The following ACTL8 variants were observed in gnomAD, a reference collection of about 807,000 sequenced individuals.
ACTL8 encodes the protein actin like 8, also known as actin-like protein 8.
A neutral mutation model predicts 9.3 loss-of-function variants in ACTL8; 3 were observed. The observed-to-expected ratio is 0.32, with a 90% CI of 0.15 to 0.83. The LOEUF (loss-of-function observed/expected upper bound fraction) is 0.83. Among genes scored for constraint, ACTL8 ranks in the 40% least tolerant of loss-of-function variants. The probability of loss-of-function intolerance (pLI) is 0.57; values close to 1 mark genes in which losing one functional copy is unlikely to be tolerated. For synonymous variants in ACTL8, 224 were observed against 205.9 expected (o/e 1.09, Z -0.75); for missense variants, 381 against 492.2 (o/e 0.77, Z 2.14).
At chr1:17,792,400 C>A (rs926209252) in intron 1 of ACTL8, among the ~76,000 whole-genome samples, 3 of 152,168 alleles carry the variant, frequency 2.0e-5, no homozygotes, top group South Asian at 2.1e-4. Flanking sequence ...CATTGTGTAA[C>A]CCTGTGGTTT....
chr1:17,767,936 C>G lies in ACTL8; in HGVS notation c.-25+12432C>G, dbSNP rs2066057063. On this transcript the variant is annotated intron_variant, in intron 1 of 2. Coordinates refer to ENST00000375406, the MANE Select transcript of ACTL8 (RefSeq NM_030812.3). This position sits in a 1 kb window ranked among gnomAD's most constrained non-coding sequence, Gnocchi z 4.7. Reference sequence around the variant, plus strand: ...GCAGAATGGGTGCTCGTGAATCCCTCTGGTGGGACTGGGTGTCTGTGGGTT... The same window carrying G: ...GCAGAATGGGTGCTCGTGAATCCCTGTGGTGGGACTGGGTGTCTGTGGGTT... 6.6e-6 allele frequency among the ~76,000 whole-genome samples: 1 copy of G among 152,014 alleles called. No homozygotes were observed. Among genetic ancestry groups the G allele is most frequent in the African/African-American group, 2.4e-5 (1 of 41,370 alleles).
At chr1:17,756,897 G>A (rs1387079229) in intron 1 of ACTL8, among the ~76,000 whole-genome samples, 2 of 152,198 alleles carry the variant, frequency 1.3e-5, no homozygotes, top group Non-Finnish European at 2.9e-5. Context: ...TGTGAGAACT[G>A]TGGGGTGGGA....
intron 1 of ACTL8, among the ~76,000 whole-genome samples, chr1:17,795,785 T>C (rs1238151672): frequency 6.6e-6 from 1 of 152,188 alleles, no homozygotes; most frequent in African/African-American, 2.4e-5. Context: ...AATCTTGTTG[T>C]GATCACCTTC....
intron 1 of ACTL8, among the ~76,000 whole-genome samples, chr1:17,808,643 C>G (rs1448139250): frequency 6.6e-6 from 1 of 152,080 alleles, no homozygotes; most frequent in East Asian, 1.9e-4. Context: ...AGTATCATAC[C>G]CAGTGCCTGG....
chr1:17,758,189 G>A (rs1282553515), intron 1 of ACTL8, among the ~76,000 whole-genome samples: 3 of 152,192 alleles, frequency 2.0e-5, no homozygotes, highest in Non-Finnish European at 4.4e-5. Flanking sequence ...GTGGGGATAA[G>A]GGGGTCCTGG....
rs1248121741 is a variant in ACTL8, at chr1:17,757,476, AC to A, written c.-25+1980del. 6.5e-3 allele frequency among the ~76,000 whole-genome samples: 292 copies of A among 45,036 alleles called. 2 individuals are homozygous for A. The South Asian group carries it at 0.07, about 11-fold the overall frequency. 29.5% of individuals were successfully genotyped at this position (45,036 alleles called of 152,430 possible). ...CTAAACTGCAAGTCACTCTGAGCCCACCCCCCCCACCCCCACCCCAACTTAT... is the reference window on the plus strand; with the variant it reads ...CTAAACTGCAAGTCACTCTGAGCCCACCCCCCCACCCCCACCCCAACTTAT... On this transcript the variant is annotated intron_variant, in intron 1 of 2. Transcript: ENST00000375406.
At chr1:17,787,037 T>C (rs981693372) in intron 1 of ACTL8, among the ~76,000 whole-genome samples, 1 of 152,106 alleles carries the variant, frequency 6.6e-6, no homozygotes, top group Non-Finnish European at 1.5e-5. Flanking sequence ...ATGTTACATT[T>C]ATAAAGTTCA....
At chr1:17,766,927 C>G (rs1165550802) in intron 1 of ACTL8, among the ~76,000 whole-genome samples, 2 of 152,160 alleles carry the variant, frequency 1.3e-5, no homozygotes, top group East Asian at 3.9e-4. Context: ...GCTGAGGATT[C>G]AGTCCTGGGC....
intron 1 of ACTL8, among the ~76,000 whole-genome samples, chr1:17,757,937 ATG>A (rs1308483851): frequency 3.5e-4 from 54 of 152,284 alleles, no homozygotes; most frequent in Non-Finnish European, 7.4e-5. Flanking sequence ...TGATGTCATG[ATG>A]TGGAAGAGGG....
At chr1:17,815,363 G>A (rs906491895) in intron 1 of ACTL8, among the ~76,000 whole-genome samples, 1 of 151,974 alleles carries the variant, frequency 6.6e-6, no homozygotes, top group African/African-American at 2.4e-5. Flanking sequence ...AATTTTCTTA[G>A]TTTTCCTTCA....
At chr1:17,808,550 C>T (rs1473166372) in intron 1 of ACTL8, among the ~76,000 whole-genome samples, 3 of 152,194 alleles carry the variant, frequency 2.0e-5, no homozygotes, top group Non-Finnish European at 4.4e-5. Context: ...AAGCCTCATT[C>T]CTTCATCTAT....
Position 17,823,171 on chromosome 1 carries a change from A to T in ACTL8, c.163A>T (p.Ile55Phe). 2 of 1,614,204 alleles carry T rather than the reference A, an allele frequency of 1.2e-6. No individual in the cohort carries two copies. The highest frequency in any genetic ancestry group is 1.1e-5 in the South Asian group (1 of 91,086). ...TGCCCGTAGGCGTGTGAGCCTGGGCATCGACATTTGCCATCCTGACACCTT... is the reference window on the plus strand; with the variant it reads ...TGCCCGTAGGCGTGTGAGCCTGGGCTTCGACATTTGCCATCCTGACACCTT... Reference protein sequence around the residue: ...SYARRRVSLGIDICHPDTFSY... With the variant: ...SYARRRVSLGFDICHPDTFSY... The change falls in exon 2 of 3, where the codon ATC becomes TTC. Residue 55 changes from isoleucine (I) to phenylalanine (F), a missense_variant. Physicochemically the swap from Ile to Phe is conservative, Grantham distance 21. Coordinates refer to ENST00000375406, the MANE Select transcript of ACTL8 (RefSeq NM_030812.3). This position sits in a 1 kb window ranked among gnomAD's most constrained non-coding sequence, Gnocchi z 5.3.
At chr1:17,812,158 C>G (rs2066397308) in intron 1 of ACTL8, among the ~76,000 whole-genome samples, 1 of 152,020 alleles carries the variant, frequency 6.6e-6, no homozygotes, top group Non-Finnish European at 1.5e-5. Flanking sequence ...ACACCCAGCT[C>G]TATCTTGATT....
At chr1:17,776,809 C>A (rs2066120979) in intron 1 of ACTL8, among the ~76,000 whole-genome samples, 1 of 151,696 alleles carries the variant, frequency 6.6e-6, no homozygotes, top group African/African-American at 2.4e-5. Context: ...TTCCTCTTTC[C>A]TTTTTCTTTG....
chr1:17,810,562 T>G (rs1375353568), intron 1 of ACTL8, among the ~76,000 whole-genome samples: 3 of 152,234 alleles, frequency 2.0e-5, no homozygotes, highest in Non-Finnish European at 4.4e-5. Flanking sequence ...ACTCGCTTTT[T>G]TTGATGTATA....
intron 1 of ACTL8, among the ~76,000 whole-genome samples, chr1:17,778,785 G>T (rs1224843004): frequency 6.6e-6 from 1 of 152,114 alleles, no homozygotes; most frequent in African/African-American, 2.4e-5. Context: ...TTAGCTTTCG[G>T]TGGGGCTTGT....
At chr1:17,792,419 A>G (rs2066246505) in intron 1 of ACTL8, among the ~76,000 whole-genome samples, 2 of 152,182 alleles carry the variant, frequency 1.3e-5, no homozygotes, top group African/African-American at 2.4e-5. Flanking sequence ...TTTGCCTTCA[A>G]ATATCTGGAA....
At chr1:17,792,794 G>T (rs1382905821) in intron 1 of ACTL8, among the ~76,000 whole-genome samples, 5 of 152,192 alleles carry the variant, frequency 3.3e-5, no homozygotes, top group Non-Finnish European at 7.3e-5. Context: ...CCTAGCAGGG[G>T]TGTATATGGG....
intron 1 of ACTL8, among the ~76,000 whole-genome samples, chr1:17,778,599 A>C (rs1418291491): frequency 6.6e-6 from 1 of 152,106 alleles, no homozygotes. Context: ...TCGGGGATGA[A>C]TCTGCATTCT....
Sources: allele counts gnomAD v4.1 joint callset (sites outside exome capture counted in the v4.1 genomes callset), GRCh38; gene constraint gnomAD v4.1.1; non-coding constraint Gnocchi (gnomAD v3.1); transcripts MANE v1.5; gene names NCBI Gene and HGNC (gene_info 2026-07-23, HGNC 2026-07-21).